The following EPB41 variants were observed in gnomAD, a reference collection of about 807,000 sequenced individuals.
EPB41 encodes erythrocyte membrane protein band 4.1.
EPB41 carries 65 observed loss-of-function variants against 108.0 expected under a neutral mutation model. That is an observed-to-expected ratio of 0.60 (90% CI 0.49 to 0.74). The LOEUF is 0.74. Ranked by LOEUF, EPB41 falls within the 30% of genes least tolerant of loss-of-function variation. The probability of loss-of-function intolerance (pLI) is 0.00; values close to 1 mark genes in which losing one functional copy is unlikely to be tolerated. For synonymous variants in EPB41, 336 were observed against 358.9 expected, an observed-to-expected ratio of 0.94 and a Z score of 0.72; for missense variants, 875 against 1,037.0, an observed-to-expected ratio of 0.84 and a Z score of 2.15.
chr1:29,032,213 T>A (rs578040130), intron 8 of EPB41, among the ~76,000 whole-genome samples: 2 of 152,310 alleles, frequency 1.3e-5, no homozygotes, highest in East Asian at 1.9e-4. Flanking sequence ...ATTAGGTATG[T>A]TTCTAAAACT....
rs985496985 is a variant in EPB41 at position 28,987,812 on chromosome 1, G to C, written c.375G>C (p.Glu125Asp). ...EIEFGTSLDE[E>D]IILKAPIAAP... ...AATTTGGAACCAGTCTTGATGAAGA[G>C]ATCATTTTAAAGGCCCCAATTGCAG... The change falls in exon 2 of 21, where the codon GAG becomes GAC. Residue 125 changes from glutamate (E) to aspartate (D), a missense_variant. Glu to Asp is a conservative substitution (Grantham distance 45). Coordinates refer to ENST00000343067, the MANE Select transcript of EPB41 (RefSeq NM_001376013.1). 1 of 1,614,076 alleles carries C rather than the reference G, an allele frequency of 6.2e-7. No homozygotes were observed. Among genetic ancestry groups the C allele is most frequent in the Admixed American group, 1.7e-5 (1 of 60,000 alleles).
At chr1:28,941,738 A>G (rs1376420619) in intron 1 of EPB41, among the ~76,000 whole-genome samples, 1 of 151,938 alleles carries the variant, frequency 6.6e-6, no homozygotes, top group East Asian at 1.9e-4. Context: ...TCTACTAAAA[A>G]TACAAAATTA....
At chr1:29,103,711 A>T (rs1214411157) in intron 17 of EPB41, among the ~76,000 whole-genome samples, 1 of 152,152 alleles carries the variant, frequency 6.6e-6, no homozygotes, top group Non-Finnish European at 1.5e-5. Flanking sequence ...TCTGTCACCC[A>T]GGCTGGAGTG....
At chr1:28,921,346 A>G (rs896207685) in intron 1 of EPB41, among the ~76,000 whole-genome samples, 6 of 152,216 alleles carry the variant, frequency 3.9e-5, no homozygotes, top group African/African-American at 1.4e-4. Context: ...TAGAAGTTCT[A>G]TATGTATTCA....
chr1:28,951,403 A>G (rs189213691), intron 1 of EPB41, among the ~76,000 whole-genome samples: 111 of 148,770 alleles, frequency 7.5e-4, no homozygotes, highest in Non-Finnish European at 1.3e-3. Flanking sequence ...CACAAATGTG[A>G]TGTGTGTTGG....
intron 1 of EPB41, among the ~76,000 whole-genome samples, chr1:28,941,546 G>T (rs1239641199): frequency 6.6e-6 from 1 of 152,180 alleles, no homozygotes; most frequent in Non-Finnish European, 1.5e-5. Context: ...CTGTAGTACT[G>T]ATTTATTAAC....
intron 1 of EPB41, among the ~76,000 whole-genome samples, chr1:28,931,331 A>G (rs573316624): frequency 2.7e-5 from 4 of 150,350 alleles, no homozygotes; most frequent in South Asian, 4.2e-4. Context: ...TTGGGAAGCT[A>G]AGGTGGTTCT....
At chr1:29,061,940 C>T (rs1017185226) in intron 15 of EPB41, among the ~76,000 whole-genome samples, 1 of 152,130 alleles carries the variant, frequency 6.6e-6, no homozygotes, top group Non-Finnish European at 1.5e-5. Context: ...ATTATTTAAA[C>T]CTCATCTTAT....
At chr1:29,066,452 A>C (rs1022279745) in intron 16 of EPB41, among the ~76,000 whole-genome samples, 11 of 152,180 alleles carry the variant, frequency 7.2e-5, no homozygotes, top group Non-Finnish European at 1.5e-4. Context: ...CCTACATCTG[A>C]ATAAATGAAT....
At chr1:29,014,059 G>A in intron 5 of EPB41, among the ~76,000 whole-genome samples, 1 of 151,850 alleles carries the variant, frequency 6.6e-6, no homozygotes, top group East Asian at 1.9e-4. Flanking sequence ...GCTCACGCCT[G>A]TAATCCCAGC....
At chr1:28,929,843 CTTTTTTTT>C (rs56337991) in intron 1 of EPB41, among the ~76,000 whole-genome samples, 77 of 101,868 alleles carry the variant, frequency 7.6e-4, no homozygotes, top group Non-Finnish European at 3.3e-4. Context: ...ACTGGGCCTT[CTTTTTTTT>C]TTTTTTTTTT....
intron 4 of EPB41, among the ~76,000 whole-genome samples, chr1:29,005,613 C>T (rs893277551): frequency 1.3e-5 from 2 of 152,112 alleles, no homozygotes; most frequent in African/African-American, 4.8e-5. Context: ...CATGGAGCTC[C>T]CAGACTGACT....
chr1:29,047,454 G>A (rs549222567), intron 11 of EPB41, among the ~76,000 whole-genome samples: 250 of 143,036 alleles, frequency 1.7e-3, no homozygotes, highest in Non-Finnish European at 3.4e-3. Flanking sequence ...AGGTCTTACT[G>A]TGTTGCCCAG....
intron 1 of EPB41, chr1:28,889,877 C>T (rs1261874142): frequency 1.0e-6 from 1 of 980,622 alleles, no homozygotes; most frequent in African/African-American, 1.7e-5. Context: ...ACAGGATACT[C>T]ACAGAGGGCT....
intron 1 of EPB41, among the ~76,000 whole-genome samples, chr1:28,968,993 C>T (rs1357746107): frequency 7.2e-6 from 1 of 139,198 alleles, no homozygotes; most frequent in African/African-American, 2.7e-5. Context: ...AAAAAAAAAA[C>T]ACAAACTAAA....
chr1:28,912,188 T>C (rs981479270), upstream of EPB41, among the ~76,000 whole-genome samples: 1 of 152,222 alleles, frequency 6.6e-6, no homozygotes, highest in Non-Finnish European at 1.5e-5. Context: ...CGTATACTGT[T>C]CTGGGAGATG....
intron 7 of EPB41, 53 bp from the exon 8 acceptor site, chr1:29,030,347 T>TAAATGA: frequency 7.4e-7 from 1 of 1,343,896 alleles, no homozygotes; most frequent in Non-Finnish European, 1.1e-6. Context: ...AATGTTACTG[T>TAAATGA]AAATGATGAC....
At position 28,902,672 on chromosome 1, in the gene EPB41, C is replaced by A. The variant is rs573763740; in HGVS notation, c.-8+15462C>A. On this transcript the variant is annotated intron_variant, in intron 1 of 16. Coordinates refer to the EPB41 transcript ENST00000347529. ...CCTGGCCTGGTACAGGGGGGTTCGT[C>A]ACACCTTCAGGGGAGCTAGGTGTAG... Among the ~76,000 whole-genome samples, 259 of 152,280 alleles carry A rather than the reference C, an allele frequency of 1.7e-3. 4 individuals are homozygous for A. In the South Asian group the frequency reaches 0.051, roughly 30 times the overall value.
chr1:28,947,374 C>T (rs2094521914), intron 1 of EPB41, among the ~76,000 whole-genome samples: 1 of 151,806 alleles, frequency 6.6e-6, no homozygotes, highest in Admixed American at 6.6e-5. Flanking sequence ...CACCACTGCA[C>T]TCCCGTCTGG....
Sources: gnomAD v4.1 joint callset for allele counts (sites outside exome capture counted in the v4.1 genomes callset) on GRCh38, gnomAD v4.1.1 for gene constraint, MANE v1.5 for transcripts, NCBI Gene and HGNC (gene_info 2026-07-23, HGNC 2026-07-21) for gene names.